Variants in CNTN5 observed in about 807,000 individuals in gnomAD.
The protein encoded by CNTN5 is contactin 5.
In CNTN5, 77 loss-of-function variants were observed where a neutral mutation model predicts 129.1. The observed-to-expected ratio is 0.60, with a 90% CI of 0.50 to 0.72. The LOEUF is 0.72. Ranked by LOEUF, CNTN5 falls within the 30% of genes least tolerant of loss-of-function variation. The pLI is 0.00. For missense variants in CNTN5, 1,478 were observed against 1,328.8 expected, an observed-to-expected ratio of 1.11 and a Z score of -1.75; for synonymous variants, 509 against 465.6, an observed-to-expected ratio of 1.09 and a Z score of -1.20.
At chr11:99,191,049 A>G (rs1858616238) in intron 1 of CNTN5, among the ~76,000 whole-genome samples, 1 of 151,748 alleles carries the variant, frequency 6.6e-6, no homozygotes, top group African/African-American at 2.4e-5. Context: ...TGTTTATCAT[A>G]AAAGGATGTT....
chr11:99,860,537 T>A (rs1948172414), intron 6 of CNTN5, among the ~76,000 whole-genome samples: 1 of 152,210 alleles, frequency 6.6e-6, no homozygotes, highest in Non-Finnish European at 1.5e-5. Context: ...TAGACAGTTA[T>A]CCCAGCATCA....
chr11:100,152,425 A>G (rs1185593034), intron 13 of CNTN5, among the ~76,000 whole-genome samples: 1 of 152,146 alleles, frequency 6.6e-6, no homozygotes, highest in African/African-American at 2.4e-5. Flanking sequence ...ACAAAGCAAA[A>G]GCAAACAAAA....
At chr11:99,424,866 C>T (rs1023117154) in intron 2 of CNTN5, among the ~76,000 whole-genome samples, 1 of 152,166 alleles carries the variant, frequency 6.6e-6, no homozygotes, top group Admixed American at 6.5e-5. Flanking sequence ...GAATGAGGTA[C>T]GTGGACAACT....
At chr11:99,742,035 A>C (rs1347041502) in intron 3 of CNTN5, among the ~76,000 whole-genome samples, 2 of 152,160 alleles carry the variant, frequency 1.3e-5, no homozygotes, top group African/African-American at 2.4e-5. Context: ...AGAATCTATA[A>C]AAGAGAAATA....
At chr11:99,779,707 A>G (rs1264433639) in intron 3 of CNTN5, among the ~76,000 whole-genome samples, 1 of 152,062 alleles carries the variant, frequency 6.6e-6, no homozygotes, top group Non-Finnish European at 1.5e-5. Flanking sequence ...AAGTAACTTA[A>G]AAAAGTATCT....
At chr11:100,188,706 A>G (rs559812022) in intron 13 of CNTN5, among the ~76,000 whole-genome samples, 1 of 152,212 alleles carries the variant, frequency 6.6e-6, no homozygotes, top group Non-Finnish European at 1.5e-5. Context: ...TTAAACTGCT[A>G]TTCAACCCAA....
At chr11:99,293,349 T>G (rs1284380515) in intron 1 of CNTN5, among the ~76,000 whole-genome samples, 2 of 152,156 alleles carry the variant, frequency 1.3e-5, no homozygotes, top group Non-Finnish European at 2.9e-5. Context: ...TGTTGAGAAT[T>G]TTTGCATCTA....
chr11:99,245,825 C>T (rs747488296), intron 1 of CNTN5, among the ~76,000 whole-genome samples: 2 of 152,124 alleles, frequency 1.3e-5, no homozygotes, highest in African/African-American at 2.4e-5. Context: ...TTGCGTATCA[C>T]AATATGTTTA....
chr11:100,101,769 C>G (rs758780118), intron 13 of CNTN5, among the ~76,000 whole-genome samples: 2 of 152,092 alleles, frequency 1.3e-5, no homozygotes, highest in African/African-American at 2.4e-5. Flanking sequence ...GTCCATTCTA[C>G]AATTCTTATG....
Position 99,612,191 on chromosome 11 carries a change from T to C in CNTN5, c.55+55922T>C, listed in dbSNP as rs560671841. Among the ~76,000 whole-genome samples, 6 of 152,322 alleles carry C rather than the reference T, an allele frequency of 3.9e-5. No homozygotes were observed. In the South Asian group the frequency reaches 1.2e-3, roughly 32 times the overall value. ...TGAGACTCATAATTGTTCAACGGAA[T>C]GTTCAAAATCAGAAAGCTACTATAT... is the stretch of plus-strand genomic sequence containing the variant. On this transcript the variant is annotated intron_variant, in intron 3 of 24. Transcript: ENST00000524871.
chr11:99,582,887 G>A (rs950382378), intron 3 of CNTN5, among the ~76,000 whole-genome samples: 1 of 152,230 alleles, frequency 6.6e-6, no homozygotes, highest in Non-Finnish European at 1.5e-5. Context: ...TCCTTTGGAG[G>A]AGGAGAGGCA....
chr11:99,818,680 T>C (rs527474817), intron 3 of CNTN5, among the ~76,000 whole-genome samples: 1 of 151,962 alleles, frequency 6.6e-6, no homozygotes, highest in East Asian at 1.9e-4. Context: ...TTAGTTTGTA[T>C]TTTTAAAAAT....
chr11:99,053,307 C>T (rs1003455855), intron 1 of CNTN5, among the ~76,000 whole-genome samples: 13 of 151,828 alleles, frequency 8.6e-5, no homozygotes, highest in African/African-American at 2.7e-4. Context: ...CAAGTTCAAT[C>T]GACTTTCATA....
intron 3 of CNTN5, among the ~76,000 whole-genome samples, chr11:99,578,754 A>G (rs10750330): frequency 0.91 from 137,979 of 151,726 alleles, 62,903 homozygotes; most frequent in East Asian, 1. Context: ...AGTAGGTTGC[A>G]AAAATTTTCT....
intron 1 of CNTN5, among the ~76,000 whole-genome samples, chr11:99,273,793 T>G (rs1863292919): frequency 6.6e-6 from 1 of 151,542 alleles, no homozygotes; most frequent in South Asian, 2.1e-4. Flanking sequence ...CTGATTATAC[T>G]TATGATTTTT....
chr11:100,323,560 C>A (rs1227351985), intron 21 of CNTN5, among the ~76,000 whole-genome samples: 13 of 152,074 alleles, frequency 8.5e-5, no homozygotes, highest in African/African-American at 2.4e-4. Context: ...TTTCACTCAT[C>A]CACATTTCCA....
chr11:99,587,588 C>T (rs118139653), intron 3 of CNTN5, among the ~76,000 whole-genome samples: 5,988 of 151,874 alleles, frequency 0.039, 153 homozygotes, highest in South Asian at 0.086. Flanking sequence ...TTAGATGGTA[C>T]GTTTCTTCTT....
At chr11:100,271,582 T>C (rs1950408729) in intron 18 of CNTN5, among the ~76,000 whole-genome samples, 1 of 142,676 alleles carries the variant, frequency 7.0e-6, no homozygotes, top group Admixed American at 7.6e-5. Context: ...AATAAATCGG[T>C]TCACCTTCTT....
In CNTN5 at chr11:99,956,954, A is replaced by G; in HGVS notation, c.822A>G (p.Thr274=). 1 of 1,613,960 alleles carries G rather than the reference A, an allele frequency of 6.2e-7. No individual in the cohort carries two copies. Among genetic ancestry groups the G allele is most frequent in the South Asian group, 1.1e-5 (1 of 91,084 alleles). The change falls in exon 8 of 25, where the codon ACA becomes ACG. Residue 274 remains threonine, a synonymous_variant. Coordinates refer to ENST00000524871, the MANE Select transcript of CNTN5 (RefSeq NM_014361.4). ...VGSYICLVKN[T]VTNARVLSPP... is the part of the protein sequence containing the mutation. ...GCTATATTTGTCTGGTGAAAAACACAGTGACGAATGCTAGAGTCCTTAGTC... is the reference window on the plus strand; with the variant it reads ...GCTATATTTGTCTGGTGAAAAACACGGTGACGAATGCTAGAGTCCTTAGTC...
Sources: gnomAD v4.1 joint callset for allele counts (sites outside exome capture counted in the v4.1 genomes callset) on GRCh38, gnomAD v4.1.1 for gene constraint, MANE v1.5 for transcripts, NCBI Gene and HGNC (gene_info 2026-07-23, HGNC 2026-07-21) for gene names.